NELL1: variants seen among roughly 807,000 people sequenced by gnomAD.
The protein encoded by NELL1 is neural EGFL like 1.
A neutral mutation model predicts 107.4 loss-of-function variants in NELL1; 76 were observed. That is an observed-to-expected ratio of 0.71 (90% CI 0.59 to 0.86). The LOEUF (loss-of-function observed/expected upper bound fraction) is 0.86, where lower values mean the gene tolerates loss of function less well. NELL1 is among the 40% of genes least tolerant of loss of function. The pLI, the probability that NELL1 is intolerant of heterozygous loss-of-function variation, is 0.00. For synonymous variants in NELL1, 353 were observed against 341.2 expected, an observed-to-expected ratio of 1.03 and a Z score of -0.38; for missense variants, 1,024 against 1,005.5, an observed-to-expected ratio of 1.02 and a Z score of -0.25.
intron 12 of NELL1, among the ~76,000 whole-genome samples, chr11:20,971,880 A>G (rs545376627): frequency 3.9e-5 from 6 of 152,332 alleles, no homozygotes; most frequent in Non-Finnish European, 7.4e-5. Flanking sequence ...TTGCAGGGAC[A>G]TGGATGAAGC....
intron 14 of NELL1, among the ~76,000 whole-genome samples, chr11:21,336,827 G>A (rs1036111625): frequency 2.6e-5 from 4 of 151,582 alleles, no homozygotes; most frequent in South Asian, 2.1e-4. Context: ...AAGAAGTATT[G>A]GAAGAACAAC....
chr11:21,044,479 G>T (rs190102232), intron 12 of NELL1, among the ~76,000 whole-genome samples: 10 of 152,156 alleles, frequency 6.6e-5, no homozygotes, highest in Non-Finnish European at 1.2e-4. Context: ...GGGCAGATCA[G>T]GGGACAAATG....
At chr11:21,220,495 C>A (rs1178672566) in intron 13 of NELL1, among the ~76,000 whole-genome samples, 1 of 152,102 alleles carries the variant, frequency 6.6e-6, no homozygotes, top group Non-Finnish European at 1.5e-5. Flanking sequence ...TTAATTCTTT[C>A]AATTCATGAA....
chr11:21,111,183 C>T (rs992105248), intron 12 of NELL1, among the ~76,000 whole-genome samples: 2 of 152,084 alleles, frequency 1.3e-5, no homozygotes, highest in Non-Finnish European at 2.9e-5. Flanking sequence ...GTTGAAAGAT[C>T]TCACATCCTT....
At chr11:20,987,080 A>C (rs1851868730) in intron 12 of NELL1, among the ~76,000 whole-genome samples, 2 of 152,218 alleles carry the variant, frequency 1.3e-5, no homozygotes, top group Non-Finnish European at 2.9e-5. Flanking sequence ...AATAATCAAA[A>C]TGGCTTTTTT....
intron 14 of NELL1, among the ~76,000 whole-genome samples, chr11:21,295,390 G>C (rs1849352357): frequency 6.6e-6 from 1 of 152,052 alleles, no homozygotes; most frequent in Non-Finnish European, 1.5e-5. Context: ...ATTGAAGACA[G>C]ATGACATTTC....
intron 14 of NELL1, among the ~76,000 whole-genome samples, chr11:21,242,843 G>A (rs964133367): frequency 2.0e-5 from 3 of 152,114 alleles, no homozygotes; most frequent in Non-Finnish European, 4.4e-5. Context: ...ACTTGAAGTA[G>A]TACAAGGAAC....
intron 2 of NELL1, among the ~76,000 whole-genome samples, chr11:20,747,678 C>CAA (rs1856035176): frequency 3.3e-5 from 5 of 152,104 alleles, no homozygotes; most frequent in Non-Finnish European, 7.3e-5. Flanking sequence ...TTTCAACATG[C>CAA]GTTTTGGAGG....
chr11:20,895,750 C>G (rs1201869784), intron 5 of NELL1, among the ~76,000 whole-genome samples: 1 of 151,960 alleles, frequency 6.6e-6, no homozygotes, highest in Non-Finnish European at 1.5e-5. Context: ...TCGTGATCCA[C>G]CCACCTCGGC....
intron 2 of NELL1, among the ~76,000 whole-genome samples, chr11:20,774,322 C>CT (rs201316007): frequency 1.4e-5 from 2 of 144,740 alleles, no homozygotes; most frequent in Admixed American, 7.1e-5. Flanking sequence ...CCTCTCCTTT[C>CT]TTTTTTTCTT....
intron 14 of NELL1, among the ~76,000 whole-genome samples, chr11:21,309,277 TATGTATATA>T (rs943904355): frequency 1.3e-3 from 17 of 13,578 alleles, no homozygotes; most frequent in Non-Finnish European, 2.5e-3. Flanking sequence ...TATATATATA[TATGTATATA>T]TATATATATA....
chr11:21,444,087 A>G (rs1378446088), intron 15 of NELL1, among the ~76,000 whole-genome samples: 1 of 152,116 alleles, frequency 6.6e-6, no homozygotes, highest in Non-Finnish European at 1.5e-5. Flanking sequence ...TCCAGTGTGT[A>G]TACATTGACA....
intron 12 of NELL1, among the ~76,000 whole-genome samples, chr11:20,974,028 G>C (rs971101609): frequency 2.0e-5 from 3 of 152,188 alleles, no homozygotes; most frequent in African/African-American, 7.2e-5. Context: ...AAGTTTACTT[G>C]TTTAGGCTCG....
intron 13 of NELL1, among the ~76,000 whole-genome samples, chr11:21,126,396 T>C (rs990420108): frequency 6.6e-6 from 1 of 152,120 alleles, no homozygotes; most frequent in African/African-American, 2.4e-5. Flanking sequence ...TAATGCGATG[T>C]GTTCAGCAAG....
At chr11:20,710,468 T>A (rs1454440104) in intron 2 of NELL1, among the ~76,000 whole-genome samples, 1 of 152,196 alleles carries the variant, frequency 6.6e-6, no homozygotes, top group East Asian at 1.9e-4. Flanking sequence ...TTGAGGATTT[T>A]TGCATCTGTG....
intron 14 of NELL1, among the ~76,000 whole-genome samples, chr11:21,249,799 C>A (rs955571606): frequency 1.3e-5 from 2 of 152,092 alleles, no homozygotes; most frequent in African/African-American, 2.4e-5. Flanking sequence ...CAATTTTAAT[C>A]ATAATGTGTG....
chr11:21,051,934 T>C (rs778018974), intron 12 of NELL1, among the ~76,000 whole-genome samples: 1 of 152,000 alleles, frequency 6.6e-6, no homozygotes, highest in South Asian at 2.1e-4. Context: ...GATAAGTACA[T>C]TGTATAGTAT....
intron 15 of NELL1, among the ~76,000 whole-genome samples, chr11:21,427,474 C>A (rs1478863215): frequency 6.6e-6 from 1 of 152,190 alleles, no homozygotes; most frequent in Non-Finnish European, 1.5e-5. Context: ...TCCCTCTAAA[C>A]TTCAATCATG....
At chr11:20,852,480 A>T (rs1848811647) in intron 4 of NELL1, among the ~76,000 whole-genome samples, 1 of 152,200 alleles carries the variant, frequency 6.6e-6, no homozygotes, top group Non-Finnish European at 1.5e-5. Flanking sequence ...TCATAATGAA[A>T]TCTGTTGATA....
Sources: allele counts gnomAD v4.1 joint callset (sites outside exome capture counted in the v4.1 genomes callset), GRCh38; gene constraint gnomAD v4.1.1; transcripts MANE v1.5; gene names NCBI Gene and HGNC (gene_info 2026-07-23, HGNC 2026-07-21).